HS6ST3: variants seen among roughly 807,000 people sequenced by gnomAD.
HS6ST3 encodes heparan sulfate 6-O-sulfotransferase 3.
Under a neutral mutation model 36.7 loss-of-function variants are expected in HS6ST3, and 12 were observed. The ratio of observed to expected loss-of-function variants is 0.33; its 90% confidence interval spans 0.21 to 0.53. The LOEUF is 0.53. Among genes scored for constraint, HS6ST3 ranks in the 20% least tolerant of loss-of-function variants. The pLI, the probability that HS6ST3 is intolerant of heterozygous loss-of-function variation, is 0.95. For missense variants in HS6ST3, 584 were observed against 640.9 expected (o/e 0.91, Z 0.96); for synonymous variants, 240 against 257.5 (o/e 0.93, Z 0.65).
intron 1 of HS6ST3, among the ~76,000 whole-genome samples, chr13:96,293,401 A>G (rs909299613): frequency 6.6e-6 from 1 of 152,094 alleles, no homozygotes; most frequent in African/African-American, 2.4e-5. Flanking sequence ...GAGAGAGTGC[A>G]CCATGTTTTC....
intron 1 of HS6ST3, among the ~76,000 whole-genome samples, chr13:96,499,073 T>A (rs536828791): frequency 1.3e-5 from 2 of 150,070 alleles, no homozygotes; most frequent in South Asian, 4.2e-4. Context: ...TTGCCTAGGC[T>A]GGAGTGTAGT....
rs1197539058 is a variant in HS6ST3, at chr13:96,384,824, A to G, written c.707+293255A>G. 2.6e-5 allele frequency among the ~76,000 whole-genome samples: 4 copies of G among 152,218 alleles called. No individual in the cohort carries two copies. In the East Asian group the frequency reaches 7.7e-4, roughly 29 times the overall value. On this transcript the variant is annotated intron_variant, in intron 1 of 1. Coordinates refer to ENST00000376705, the MANE Select transcript of HS6ST3 (RefSeq NM_153456.4). ...AGATTCTAGTTAACAATCTTGTTGT[A>G]TACTCCAAAGATAAAGTGTTGAGGA...
intron 1 of HS6ST3, among the ~76,000 whole-genome samples, chr13:96,119,761 A>C (rs539892949): frequency 2.0e-5 from 3 of 152,104 alleles, no homozygotes; most frequent in African/African-American, 7.2e-5. Context: ...CTGCTCCCCC[A>C]GTTTTCACTC....
chr13:96,590,259 C>T (rs1302981106), intron 1 of HS6ST3, among the ~76,000 whole-genome samples: 2 of 152,108 alleles, frequency 1.3e-5, no homozygotes, highest in South Asian at 2.1e-4. Flanking sequence ...TGAGGAACCT[C>T]CAAACTGTTT....
chr13:96,476,692 T>G (rs897890108), intron 1 of HS6ST3, among the ~76,000 whole-genome samples: 3 of 152,086 alleles, frequency 2.0e-5, no homozygotes, highest in African/African-American at 7.2e-5. Context: ...TGACATTAGA[T>G]CTTGTGAACG....
chr13:96,334,958 A>G (rs563209251), intron 1 of HS6ST3, among the ~76,000 whole-genome samples: 2 of 152,344 alleles, frequency 1.3e-5, no homozygotes, highest in East Asian at 3.9e-4. Context: ...TAGCTCTCCC[A>G]TCAGTTGGTT....
At chr13:96,168,171 C>A (rs984101777) in intron 1 of HS6ST3, among the ~76,000 whole-genome samples, 2 of 152,074 alleles carry the variant, frequency 1.3e-5, no homozygotes, top group African/African-American at 4.8e-5. Context: ...TGCTAATTAA[C>A]CACTCTCTAG....
chr13:96,155,017 T>C (rs2054103875), intron 1 of HS6ST3, among the ~76,000 whole-genome samples: 1 of 152,102 alleles, frequency 6.6e-6, no homozygotes, highest in Non-Finnish European at 1.5e-5. Context: ...GCAGACTAGA[T>C]AGAAGCAGTA....
At chr13:96,802,155 C>T (rs1345757332) in intron 1 of HS6ST3, among the ~76,000 whole-genome samples, 1 of 152,168 alleles carries the variant, frequency 6.6e-6, no homozygotes, top group African/African-American at 2.4e-5. Context: ...ATTGACAAAA[C>T]TGGCTACCTA....
chr13:96,756,603 T>G (rs1198074911), intron 1 of HS6ST3, among the ~76,000 whole-genome samples: 1 of 152,248 alleles, frequency 6.6e-6, no homozygotes, highest in African/African-American at 2.4e-5. Context: ...ACATACTGGA[T>G]CTTAACAAAA....
intron 1 of HS6ST3, among the ~76,000 whole-genome samples, chr13:96,169,062 A>G (rs76494116): frequency 0.025 from 3,827 of 152,244 alleles, 63 homozygotes; most frequent in South Asian, 0.055. Flanking sequence ...TGAACAGGTG[A>G]TGGTCCTCTC....
intron 1 of HS6ST3, among the ~76,000 whole-genome samples, chr13:96,763,337 T>C (rs1436286438): frequency 6.7e-6 from 1 of 149,982 alleles, no homozygotes; most frequent in Admixed American, 6.7e-5. Context: ...AATATATTTA[T>C]ATAACTAGCA....
intron 1 of HS6ST3, among the ~76,000 whole-genome samples, chr13:96,439,045 C>T (rs1047824472): frequency 8.7e-5 from 13 of 149,294 alleles, no homozygotes; most frequent in Admixed American, 4.7e-4. Flanking sequence ...CCAGCCTGGG[C>T]GATAGAGCAA....
intron 1 of HS6ST3, among the ~76,000 whole-genome samples, chr13:96,507,248 T>A (rs1386919177): frequency 1.3e-5 from 2 of 152,146 alleles, no homozygotes; most frequent in Non-Finnish European, 2.9e-5. Context: ...ACTGTTTTGG[T>A]CAAACTTACC....
intron 1 of HS6ST3, among the ~76,000 whole-genome samples, chr13:96,466,419 A>G (rs1215554616): frequency 1.3e-5 from 2 of 152,190 alleles, no homozygotes; most frequent in Non-Finnish European, 2.9e-5. Flanking sequence ...ATCTTTTGAC[A>G]AACGTCTCTC....
chr13:96,503,967 T>C (rs2056015889), intron 1 of HS6ST3, among the ~76,000 whole-genome samples: 1 of 152,148 alleles, frequency 6.6e-6, no homozygotes, highest in African/African-American at 2.4e-5. Flanking sequence ...CCTCACAAGG[T>C]GAAGACTAAG....
intron 1 of HS6ST3, among the ~76,000 whole-genome samples, chr13:96,675,910 T>C (rs2056697440): frequency 6.6e-6 from 1 of 152,096 alleles, no homozygotes; most frequent in Admixed American, 6.6e-5. Context: ...AGTGAGCCAG[T>C]CTGTTTGGGT....
At chr13:96,742,758 A>T (rs983060277) in intron 1 of HS6ST3, among the ~76,000 whole-genome samples, 2 of 152,110 alleles carry the variant, frequency 1.3e-5, no homozygotes, top group African/African-American at 2.4e-5. Context: ...TAGGGATATT[A>T]ATTTCATTTT....
chr13:96,445,294 A>C (rs9300357), intron 1 of HS6ST3, among the ~76,000 whole-genome samples: 25,255 of 152,124 alleles, frequency 0.17, 3,254 homozygotes, highest in African/African-American at 0.33. Context: ...GTTGAGTAAA[A>C]ACTGTGTCAG....
Sources: gnomAD v4.1 joint callset for allele counts (sites outside exome capture counted in the v4.1 genomes callset) on GRCh38, gnomAD v4.1.1 for gene constraint, MANE v1.5 for transcripts, NCBI Gene and HGNC (gene_info 2026-07-23, HGNC 2026-07-21) for gene names.